The following TMEM132C variants were observed in gnomAD, a reference collection of about 807,000 sequenced individuals.
The protein encoded by TMEM132C is protein phosphatase 1, regulatory subunit 152.
Under a neutral mutation model 61.4 loss-of-function variants are expected in TMEM132C, and 29 were observed. The observed-to-expected ratio is 0.47, with a 90% CI of 0.35 to 0.64. The LOEUF (loss-of-function observed/expected upper bound fraction) is 0.64. Among genes scored for constraint, TMEM132C ranks in the 30% least tolerant of loss-of-function variants. TMEM132C has a pLI of 0.00. For missense variants in TMEM132C, 1,408 were observed against 1,476.9 expected (o/e 0.95, Z 0.76); for synonymous variants, 656 against 633.1 (o/e 1.04, Z -0.54).
Position 128,601,120 on chromosome 12 carries a change from G to A in TMEM132C, c.1122-15032G>A, listed in dbSNP as rs114032977. Among the ~76,000 whole-genome samples, 231 of 152,280 alleles carry A rather than the reference G, an allele frequency of 1.5e-3. 3 individuals are homozygous for A. Among genetic ancestry groups the A allele is most frequent in the African/African-American group, 4.8e-3 (201 of 41,562 alleles). ...AAGTTTTAGGAGTGGACCTTGGAGC[G>A]TGTCTTTCCTGGAAGGTCTCCAATG... On this transcript the variant is annotated intron_variant, in intron 3 of 8. Coordinates refer to ENST00000435159, the MANE Select transcript of TMEM132C (RefSeq NM_001136103.3).
At chr12:128,513,473 G>C (rs1178760823) in intron 2 of TMEM132C, among the ~76,000 whole-genome samples, 1 of 152,144 alleles carries the variant, frequency 6.6e-6, no homozygotes, top group Non-Finnish European at 1.5e-5. Flanking sequence ...ATCCACAGTG[G>C]ACGCTTTCTG....
chr12:128,547,339 C>T (rs554293300), intron 3 of TMEM132C, among the ~76,000 whole-genome samples: 81 of 151,408 alleles, frequency 5.3e-4, no homozygotes, highest in Middle Eastern at 6.8e-3. Flanking sequence ...GACAGTGGTT[C>T]GTTCCTTGCC....
intron 1 of TMEM132C, among the ~76,000 whole-genome samples, chr12:128,309,254 C>T (rs1871889955): frequency 6.6e-6 from 1 of 152,152 alleles, no homozygotes; most frequent in African/African-American, 2.4e-5. Flanking sequence ...CTTGCTTTTT[C>T]TCTTCTTAGC....
At position 128,553,750 on chromosome 12, in the gene TMEM132C, G is replaced by T. The variant is rs182250525; in HGVS notation, c.1121+9647G>T. Among the ~76,000 whole-genome samples, 6 of 152,274 alleles carry T rather than the reference G, an allele frequency of 3.9e-5. No homozygotes were observed. The East Asian group carries it at 1.2e-3, about 29-fold the overall frequency. ...TGAGGGATTTCTAGTCCGAGTTTCTGCCCTTCCTAACTTTATTTTGTCACC... is the reference window on the plus strand; with the variant it reads ...TGAGGGATTTCTAGTCCGAGTTTCTTCCCTTCCTAACTTTATTTTGTCACC... On this transcript the variant is annotated intron_variant, in intron 3 of 8. Coordinates refer to ENST00000435159, the MANE Select transcript of TMEM132C (RefSeq NM_001136103.3).
At chr12:128,541,688 G>A (rs1231714309) in intron 2 of TMEM132C, among the ~76,000 whole-genome samples, 3 of 152,178 alleles carry the variant, frequency 2.0e-5, no homozygotes, top group Admixed American at 6.5e-5. Flanking sequence ...AAAGGAGGGG[G>A]ACTAAAAGGC....
At chr12:128,273,568 TCTA>T (rs1056532952) in intron 1 of TMEM132C, among the ~76,000 whole-genome samples, 4 of 152,260 alleles carry the variant, frequency 2.6e-5, no homozygotes, top group Non-Finnish European at 4.4e-5. Context: ...TGTATTAAGA[TCTA>T]CTATTTTGCT....
chr12:128,335,601 G>A (rs1179528834), intron 1 of TMEM132C, among the ~76,000 whole-genome samples: 1 of 152,146 alleles, frequency 6.6e-6, no homozygotes, highest in Non-Finnish European at 1.5e-5. Context: ...CATGAAGAAG[G>A]GCTGGTAGTT....
intron 2 of TMEM132C, among the ~76,000 whole-genome samples, chr12:128,447,626 C>G (rs1015659757): frequency 2.0e-5 from 3 of 146,932 alleles, no homozygotes; most frequent in African/African-American, 5.0e-5. Context: ...CACTGAATTT[C>G]TCATTTAACG....
chr12:128,336,010 G>A (rs957198419), intron 1 of TMEM132C, among the ~76,000 whole-genome samples: 11 of 152,200 alleles, frequency 7.2e-5, no homozygotes, highest in Non-Finnish European at 1.3e-4. Context: ...GGAAAGAAAA[G>A]TTTTATTTTG....
At chr12:128,505,412 A>G (rs2136112929) in intron 2 of TMEM132C, among the ~76,000 whole-genome samples, 1 of 152,312 alleles carries the variant, frequency 6.6e-6, no homozygotes, top group Middle Eastern at 3.4e-3. Context: ...TCTGGCTAGT[A>G]CCACACCTTG....
intron 1 of TMEM132C, among the ~76,000 whole-genome samples, chr12:128,327,390 GTT>G (rs1872555514): frequency 6.8e-6 from 1 of 147,612 alleles, no homozygotes; most frequent in African/African-American, 2.6e-5. Flanking sequence ...TTGTTTGTTT[GTT>G]TGTTTTTTGA....
Position 128,310,182 on chromosome 12 carries a change from G to T in TMEM132C, c.85+42695G>T, listed in dbSNP as rs986915937. 2.6e-5 allele frequency among the ~76,000 whole-genome samples: 4 copies of T among 152,150 alleles called. No homozygotes were observed. The East Asian group carries it at 7.7e-4, about 29-fold the overall frequency. Reference sequence around the variant, plus strand: ...TGCTGCCATGAACCTTCATGTATAAGTATTTACATTTTGAGAATAGTGATG... The same window carrying T: ...TGCTGCCATGAACCTTCATGTATAATTATTTACATTTTGAGAATAGTGATG... On this transcript the variant is annotated intron_variant, in intron 1 of 8. Coordinates refer to ENST00000435159, the MANE Select transcript of TMEM132C (RefSeq NM_001136103.3).
chr12:128,680,217 G>T (rs1417472167), intron 5 of TMEM132C, among the ~76,000 whole-genome samples: 1 of 152,174 alleles, frequency 6.6e-6, no homozygotes, highest in African/African-American at 2.4e-5. Context: ...TAGATCACTC[G>T]AGAAAGGATG....
chr12:128,352,338 C>T (rs142483714), intron 1 of TMEM132C, among the ~76,000 whole-genome samples: 289 of 152,224 alleles, frequency 1.9e-3, no homozygotes, highest in African/African-American at 5.6e-3. Flanking sequence ...CCTCATAAAA[C>T]CATCAGATCT....
intron 4 of TMEM132C, among the ~76,000 whole-genome samples, chr12:128,636,788 C>T (rs1954107952): frequency 6.6e-6 from 1 of 152,116 alleles, no homozygotes; most frequent in African/African-American, 2.4e-5. Flanking sequence ...CAGTCGCTGG[C>T]ACCCACCATT....
intron 3 of TMEM132C, among the ~76,000 whole-genome samples, chr12:128,569,507 T>G (rs1874803072): frequency 6.6e-6 from 1 of 152,138 alleles, no homozygotes; most frequent in African/African-American, 2.4e-5. Flanking sequence ...AGTGGACAGA[T>G]TTTTTAACCA....
chr12:128,345,778 G>A (rs1348977328), intron 1 of TMEM132C, among the ~76,000 whole-genome samples: 1 of 151,150 alleles, frequency 6.6e-6, no homozygotes, highest in Non-Finnish European at 1.5e-5. Flanking sequence ...TTTTTTTCTT[G>A]TAAATTTGTT....
At chr12:128,372,096 C>T (rs917187670) in intron 1 of TMEM132C, among the ~76,000 whole-genome samples, 2 of 152,164 alleles carry the variant, frequency 1.3e-5, no homozygotes, top group African/African-American at 4.8e-5. Flanking sequence ...CACTAATAAA[C>T]TTTGCTTCTC....
At chr12:128,282,678 G>A (rs997893442) in intron 1 of TMEM132C, among the ~76,000 whole-genome samples, 51 of 152,220 alleles carry the variant, frequency 3.4e-4, no homozygotes, top group African/African-American at 1.2e-3. Context: ...CACAGCAGAA[G>A]GATCTAGTTC....
Sources: allele counts gnomAD v4.1 joint callset (sites outside exome capture counted in the v4.1 genomes callset), GRCh38; gene constraint gnomAD v4.1.1; transcripts MANE v1.5; gene names NCBI Gene and HGNC (gene_info 2026-07-23, HGNC 2026-07-21).